Variants in OPRD1 observed in about 807,000 individuals in gnomAD.
The protein encoded by OPRD1 is opioid receptor delta 1.
A neutral mutation model predicts 17.5 loss-of-function variants in OPRD1; 19 were observed. The observed-to-expected ratio is 1.09, with a 90% CI of 0.76 to 1.60. The LOEUF (loss-of-function observed/expected upper bound fraction) is 1.60. Among genes scored for constraint, OPRD1 ranks in the 40% most tolerant of loss-of-function variants. The pLI is 0.00. For missense variants in OPRD1, 483 were observed against 547.2 expected, an observed-to-expected ratio of 0.88 and a Z score of 1.17; for synonymous variants, 256 against 240.9, an observed-to-expected ratio of 1.06 and a Z score of -0.58.
intron 1 of OPRD1, among the ~76,000 whole-genome samples, chr1:28,824,560 C>T (rs1055216473): frequency 1.3e-4 from 20 of 151,716 alleles, no homozygotes; most frequent in South Asian, 6.3e-4. Flanking sequence ...CCTTGTGATC[C>T]GCCCGCCTCG....
Position 28,862,733 on chromosome 1 carries a change from G to T in OPRD1, c.578-9G>T. 1 of 1,578,622 alleles carries T rather than the reference G, an allele frequency of 6.3e-7. No homozygotes were observed. ...ACCCCGTCTGTCTTTCCTTGTTTCC[G>T]CGGCCCAGACGGGGCAGTGGTGTGC... is the stretch of plus-strand genomic sequence containing the variant. On this transcript the variant is annotated splice_polypyrimidine_tract_variant and intron_variant, in intron 2 of 2. Coordinates refer to ENST00000234961, the MANE Select transcript of OPRD1 (RefSeq NM_000911.4).
chr1:28,846,988 A>G, intron 1 of OPRD1, among the ~76,000 whole-genome samples: 1 of 105,034 alleles, frequency 9.5e-6, no homozygotes, highest in African/African-American at 3.7e-5. Context: ...TCCTTTCTTT[A>G]CTTTCTTCCT....
chr1:28,835,349 G>A (rs1428144913), intron 1 of OPRD1, among the ~76,000 whole-genome samples: 2 of 152,194 alleles, frequency 1.3e-5, no homozygotes, highest in Admixed American at 1.3e-4. Flanking sequence ...GTGTGACCTG[G>A]CTGGCCTCCC....
chr1:28,839,581 C>G (rs2088879261), intron 1 of OPRD1, among the ~76,000 whole-genome samples: 2 of 152,300 alleles, frequency 1.3e-5, no homozygotes, highest in East Asian at 3.9e-4. Flanking sequence ...TGAGGTACCA[C>G]AGGGTCAGTG....
At chr1:28,832,350 A>T (rs973807344) in intron 1 of OPRD1, among the ~76,000 whole-genome samples, 1 of 152,134 alleles carries the variant, frequency 6.6e-6, no homozygotes, top group Non-Finnish European at 1.5e-5. Flanking sequence ...TCCTGCCTGT[A>T]ATCAAGTCGG....
At chr1:28,852,514 C>T (rs2147746576) in intron 1 of OPRD1, among the ~76,000 whole-genome samples, 1 of 152,122 alleles carries the variant, frequency 6.6e-6, no homozygotes, top group East Asian at 1.9e-4. Context: ...GGTGATAAAA[C>T]TATATTGGAG....
At chr1:28,820,193 A>ATT (rs1271417329) in intron 1 of OPRD1, among the ~76,000 whole-genome samples, 3,155 of 128,842 alleles carry the variant, frequency 0.024, 158 homozygotes, top group African/African-American at 0.087. Context: ...GAGGAACTAG[A>ATT]TTTTTTTTTT....
chr1:28,827,470 C>T (rs2088776503), intron 1 of OPRD1, among the ~76,000 whole-genome samples: 1 of 152,138 alleles, frequency 6.6e-6, no homozygotes, highest in South Asian at 2.1e-4. Flanking sequence ...GCTGGTAGTA[C>T]AGGCGCATGC....
chr1:28,845,913 C>T (rs1305115567), intron 1 of OPRD1, among the ~76,000 whole-genome samples: 1 of 152,216 alleles, frequency 6.6e-6, no homozygotes, highest in Non-Finnish European at 1.5e-5. Flanking sequence ...GGCTTCCACA[C>T]AGTAGTCAGC....
intron 1 of OPRD1, among the ~76,000 whole-genome samples, chr1:28,857,447 ATTTTTC>A (rs1382850754): frequency 2.0e-5 from 3 of 152,024 alleles, no homozygotes; most frequent in Middle Eastern, 3.4e-3. Context: ...GAAGATAAGT[ATTTTTC>A]TTTTTCTTTT....
At chr1:28,848,462 G>A (rs1468328429) in intron 1 of OPRD1, among the ~76,000 whole-genome samples, 2 of 152,124 alleles carry the variant, frequency 1.3e-5, no homozygotes, top group African/African-American at 4.8e-5. Context: ...TATCCTTCAT[G>A]GCATCTTGGT....
intron 1 of OPRD1, among the ~76,000 whole-genome samples, chr1:28,834,146 A>G (rs1218876841): frequency 6.6e-6 from 1 of 152,046 alleles, no homozygotes; most frequent in Non-Finnish European, 1.5e-5. Flanking sequence ...TCCTGACCTC[A>G]GGTGATCCGC....
intron 1 of OPRD1, among the ~76,000 whole-genome samples, chr1:28,822,208 CAA>C (rs756641462): frequency 6.6e-6 from 1 of 152,082 alleles, no homozygotes; most frequent in Non-Finnish European, 1.5e-5. Flanking sequence ...CTCGTCCTCC[CAA>C]AGTGTTGGGA....
intron 1 of OPRD1, among the ~76,000 whole-genome samples, chr1:28,840,444 T>C (rs1383832642): frequency 6.6e-6 from 1 of 151,738 alleles, no homozygotes; most frequent in African/African-American, 2.4e-5. Context: ...ACACATAGAG[T>C]ACTTTGGGTC....
chr1:28,812,297 G>A lies in OPRD1; in HGVS notation c.-87G>A. 3 of 935,416 alleles carry A rather than the reference G, an allele frequency of 3.2e-6. No individual in the cohort carries two copies. The highest frequency in any genetic ancestry group is 2.7e-6 in the Non-Finnish European group (2 of 727,700). 57.9% of individuals were successfully genotyped at this position (935,416 alleles called of 1,614,324 possible). A position where few individuals can be genotyped will look rare whatever the true frequency, so the allele number is the denominator to read the frequency against. On this transcript the variant is annotated 5_prime_UTR_variant, in exon 1 of 3. Coordinates refer to ENST00000234961, the MANE Select transcript of OPRD1 (RefSeq NM_000911.4). ...CGGCAGCCGGCGGCGTCGGGGCCGCGGCCTCTGCCTTGCCGCTCCCCTCGC... is the reference window on the plus strand; with the variant it reads ...CGGCAGCCGGCGGCGTCGGGGCCGCAGCCTCTGCCTTGCCGCTCCCCTCGC...
At chr1:28,839,099 G>T (rs987092629) in intron 1 of OPRD1, among the ~76,000 whole-genome samples, 5 of 152,134 alleles carry the variant, frequency 3.3e-5, no homozygotes, top group African/African-American at 1.2e-4. Context: ...ATAAATTACT[G>T]CAGACTTGAT....
At chr1:28,857,072 A>C (rs1482274615) in intron 1 of OPRD1, among the ~76,000 whole-genome samples, 1 of 151,994 alleles carries the variant, frequency 6.6e-6, no homozygotes, top group Non-Finnish European at 1.5e-5. Context: ...GAGTTGACCA[A>C]TCATACTCCC....
chr1:28,814,315 C>T (rs1213680611), intron 1 of OPRD1, among the ~76,000 whole-genome samples: 3 of 152,160 alleles, frequency 2.0e-5, no homozygotes, highest in African/African-American at 7.2e-5. Flanking sequence ...AAATCTTCTT[C>T]CACAGGGTTG....
rs2089132072 is a variant in OPRD1 at position 28,862,473 on chromosome 1, C to CA, written c.578-268dup. ...GCTAAACGATTTCATTACGGCCACC[C>CA]ATGGACACAAAGGCTGAAAAGGGGC... On this transcript the variant is annotated intron_variant, in intron 2 of 2. Transcript: ENST00000234961. Among the ~76,000 whole-genome samples the CA allele has an allele frequency of 2.0e-5, 3 of 152,288 alleles. No homozygotes were observed. In the South Asian group the frequency reaches 6.2e-4, roughly 32 times the overall value.
Sources: gnomAD v4.1 joint callset for allele counts (sites outside exome capture counted in the v4.1 genomes callset) on GRCh38, gnomAD v4.1.1 for gene constraint, MANE v1.5 for transcripts, NCBI Gene and HGNC (gene_info 2026-07-23, HGNC 2026-07-21) for gene names.